The following ZSCAN9 variants were observed in gnomAD, a reference collection of about 807,000 sequenced individuals.
The protein encoded by ZSCAN9 is zinc finger and SCAN domain-containing protein 9.
ZSCAN9 carries 19 observed loss-of-function variants against 23.0 expected under a neutral mutation model. That is an observed-to-expected ratio of 0.83 (90% CI 0.58 to 1.21). The LOEUF is 1.21. Among genes scored for constraint, ZSCAN9 ranks in the 50% most tolerant of loss-of-function variants. The pLI is 0.00. For synonymous variants in ZSCAN9, 155 were observed against 164.8 expected (o/e 0.94, Z 0.46); for missense variants, 467 against 471.5 (o/e 0.99, Z 0.09).
Position 28,233,063 on chromosome 6 carries a change from A to G in ZSCAN9, c.1070A>G (p.Gln357Arg). Reference sequence around the variant, plus strand: ...CGGCGTTCATTTCTCATTGAACATCAGAGAAGCCACACAGGGGAGCGACCT... The same window carrying G: ...CGGCGTTCATTTCTCATTGAACATCGGAGAAGCCACACAGGGGAGCGACCT... ...YSRRSFLIEH[Q>R]RSHTGERPHQ... Residue 357 changes from glutamine (Q) to arginine (R), a missense_variant, in exon 4 of 4, where the codon CAG (glutamine) becomes CGG (arginine). Gln to Arg is a conservative substitution (Grantham distance 43). Coordinates refer to ENST00000252207, the MANE Select transcript of ZSCAN9 (RefSeq NM_006299.5). 6.2e-7 allele frequency: 1 copy of G among 1,614,194 alleles called. No individual in the cohort carries two copies. Among genetic ancestry groups the G allele is most frequent in the Non-Finnish European group, 8.5e-7 (1 of 1,180,024 alleles).
At chr6:28,227,616 T>C in intron 2 of ZSCAN9, 74 bp from the exon 3 acceptor site, 1 of 1,577,014 alleles carries the variant, frequency 6.3e-7, no homozygotes, top group Non-Finnish European at 8.6e-7. Flanking sequence ...TCTTCCTGTT[T>C]CCTTCTTTCT....
At chr6:28,228,156 T>C in intron 3 of ZSCAN9, 1 of 650,490 alleles carries the variant, frequency 1.5e-6, no homozygotes, top group Non-Finnish European at 2.7e-6. Flanking sequence ...TGGCATCGCC[T>C]CATGGAAGCT....
rs764885090 is a variant in ZSCAN9 at position 28,227,324 on chromosome 6, G to A, written c.240G>A (p.Trp80Ter). The A allele has an allele frequency of 2.5e-6, 4 of 1,614,216 alleles. No individual in the cohort carries two copies. The highest frequency in any genetic ancestry group is 1.1e-5 in the South Asian group (1 of 91,084). Residue 80 changes from tryptophan (W) to a stop codon, truncating the protein, a stop_gained, in exon 2 of 4, where the codon TGG becomes TGA. Transcript: ENST00000252207. LOFTEE classifies it high-confidence loss of function. ...GACTCCAGGAACTTTGCTACCAGTG[G>A]TTGAGGCCACATGTGAGCACAAAGG... is the stretch of plus-strand genomic sequence containing the variant. Reference protein sequence around the residue: ...LTRLQELCYQWLRPHVSTKEQ... With the variant: ...LTRLQELCYQ
intron 1 of ZSCAN9, among the ~76,000 whole-genome samples, chr6:28,226,186 T>G (rs1760112385): frequency 6.6e-6 from 1 of 152,234 alleles, no homozygotes; most frequent in Non-Finnish European, 1.5e-5. Context: ...TGAAATATAG[T>G]CTTGTATCTG....
At chr6:28,231,829 C>T (rs1347057414) in intron 3 of ZSCAN9, among the ~76,000 whole-genome samples, 1 of 152,080 alleles carries the variant, frequency 6.6e-6, no homozygotes, top group East Asian at 1.9e-4. Flanking sequence ...AAAGGCAAAA[C>T]CACAGATAAG....
In ZSCAN9 at chr6:28,227,369, G is replaced by C. The variant is rs781205770; in HGVS notation, c.285G>C (p.Leu95=). ...CAAAGGAGCAGATTTTGGATCTGCT[G>C]GTGCTGGAGCAGTTTCTATCCATTC... ...VSTKEQILDL[L]VLEQFLSILP... The change falls in exon 2 of 4, where the codon CTG becomes CTC. Residue 95 remains leucine (L), a synonymous_variant. Transcript: ENST00000252207. 6 of 1,614,120 alleles carry C rather than the reference G, an allele frequency of 3.7e-6. No homozygotes were observed. In the Admixed American group the frequency reaches 6.7e-5, roughly 18 times the overall value.
At chr6:28,230,199 C>G (rs372384332) in intron 3 of ZSCAN9, 1 of 759,816 alleles carries the variant, frequency 1.3e-6, no homozygotes, top group African/African-American at 1.8e-5. Context: ...ATAATAACAT[C>G]GAGTTTTGTG....
chr6:28,225,274 C>T (rs1204545942), upstream of ZSCAN9: 1 of 152,110 alleles, frequency 6.6e-6, no homozygotes, highest in African/African-American at 2.4e-5. Context: ...GAGAGGTCGG[C>T]ATCTTTGTTC....
intron 3 of ZSCAN9, chr6:28,230,277 T>A: frequency 2.1e-6 from 3 of 1,415,502 alleles, no homozygotes; most frequent in Non-Finnish European, 2.8e-6. Context: ...ATGGTAATCA[T>A]TAAAAGGTGG....
At chr6:28,228,636 G>A (rs1445371426) in intron 3 of ZSCAN9, 1 of 154,612 alleles carries the variant, frequency 6.5e-6, no homozygotes. Context: ...ACCTCAGAAA[G>A]TCATTGTGAG....
Position 28,232,288 on chromosome 6 carries a change from A to G in ZSCAN9, c.569-274A>G, listed in dbSNP as rs527566825. Among the ~76,000 whole-genome samples the G allele has an allele frequency of 1.1e-4, 16 of 152,310 alleles. 1 individual carries two copies. The East Asian group carries it at 3.1e-3, about 29-fold the overall frequency. On this transcript the variant is annotated intron_variant, in intron 3 of 3. Coordinates refer to ENST00000252207, the MANE Select transcript of ZSCAN9 (RefSeq NM_006299.5). Reference sequence around the variant, plus strand: ...GGAGGCTGCAGTGAGCTGAGATCACACCATTGCACTCCAGCCTGGGCTACA... The same window carrying G: ...GGAGGCTGCAGTGAGCTGAGATCACGCCATTGCACTCCAGCCTGGGCTACA...
chr6:28,232,850 A>C lies in ZSCAN9; in HGVS notation c.857A>C (p.Glu286Ala). 1 of 1,614,210 alleles carries C rather than the reference A, an allele frequency of 6.2e-7. No individual in the cohort carries two copies. Among genetic ancestry groups the C allele is most frequent in the Non-Finnish European group, 8.5e-7 (1 of 1,180,040 alleles). ...GGAGAAAGACCTTATGAATGTAATG[A>C]ATGTGGGAAAGCCTTCAGTCGAAGT... is the stretch of plus-strand genomic sequence containing the variant. The part of the protein sequence containing the change: ...HTGERPYECN[E>A]CGKAFSRSSG... Residue 286 changes from glutamate to alanine, a missense_variant, in exon 4 of 4, where the codon GAA (glutamate) becomes GCA (alanine). Physicochemically the swap from Glu to Ala is moderately radical, Grantham distance 107 (BLOSUM62 -1). Coordinates refer to ENST00000252207, the MANE Select transcript of ZSCAN9 (RefSeq NM_006299.5).
chr6:28,229,437 T>C (rs1450712640), intron 3 of ZSCAN9, among the ~76,000 whole-genome samples: 4 of 152,196 alleles, frequency 2.6e-5, no homozygotes, highest in Non-Finnish European at 4.4e-5. Flanking sequence ...TATCCACTTA[T>C]CTATCCATCT....
rs748007591 is a variant in ZSCAN9 at position 28,232,919 on chromosome 6, G to A, written c.926G>A (p.Arg309Gln). ...CGAGGAATCCACAATATACAGAAAC[G>A]GTACCACTGCAAGGAGTGTGGGAAG... ...NHRGIHNIQK[R>Q]YHCKECGKVF... Residue 309 changes from arginine (R) to glutamine (Q), a missense_variant, in exon 4 of 4, where the codon CGG becomes CAG. Transcript: ENST00000252207. 79 of 1,614,028 alleles carry A rather than the reference G, an allele frequency of 4.9e-5. No individual in the cohort carries two copies. Among genetic ancestry groups the A allele is most frequent in the African/African-American group, 3.9e-4 (29 of 74,910 alleles).
chr6:28,232,221 C>T (rs924259990), intron 3 of ZSCAN9, among the ~76,000 whole-genome samples: 3 of 152,154 alleles, frequency 2.0e-5, no homozygotes, highest in Non-Finnish European at 4.4e-5. Flanking sequence ...GTTTCAACTA[C>T]TTGGGAGACT....
At chr6:28,232,444 A>G in intron 3 of ZSCAN9, 118 bp from the exon 4 acceptor site, 1 of 1,482,600 alleles carries the variant, frequency 6.7e-7, no homozygotes. Context: ...GTGTTACCAC[A>G]CTAGCCCTTC....
chr6:28,231,103 T>G (rs965140343), intron 3 of ZSCAN9, among the ~76,000 whole-genome samples: 1 of 152,210 alleles, frequency 6.6e-6, no homozygotes, highest in African/African-American at 2.4e-5. Context: ...TACTATTTTT[T>G]TCCTATACAT....
intron 3 of ZSCAN9, 120 bp from the exon 4 acceptor site, chr6:28,232,442 A>G (rs1037711827): frequency 6.8e-7 from 1 of 1,477,360 alleles, no homozygotes. Flanking sequence ...AAGTGTTACC[A>G]CACTAGCCCT....
intron 3 of ZSCAN9, 29 bp downstream of exon 3, chr6:28,227,866 A>G: frequency 6.2e-7 from 1 of 1,612,730 alleles, no homozygotes; most frequent in Non-Finnish European, 8.5e-7. Context: ...TTGATGTTGA[A>G]CGAATCCCAC....
Sources: allele counts gnomAD v4.1 joint callset (sites outside exome capture counted in the v4.1 genomes callset), GRCh38; gene constraint gnomAD v4.1.1; transcripts MANE v1.5; gene names NCBI Gene and HGNC (gene_info 2026-07-23, HGNC 2026-07-21).